Variants in DLC1 observed in about 807,000 individuals in gnomAD.
DLC1 encodes rho GTPase-activating protein 7.
A neutral mutation model predicts 140.3 loss-of-function variants in DLC1; 54 were observed. The observed-to-expected ratio is 0.38, with a 90% CI of 0.31 to 0.48. The LOEUF (loss-of-function observed/expected upper bound fraction) is 0.48. Among genes scored for constraint, DLC1 ranks in the 20% least tolerant of loss-of-function variants. The probability of loss-of-function intolerance (pLI) is 0.96; values close to 1 mark genes in which losing one functional copy is unlikely to be tolerated. For synonymous variants in DLC1, 986 were observed against 728.1 expected (o/e 1.35, Z -5.70); for missense variants, 2,536 against 1,907.0 (o/e 1.33, Z -6.14).
intron 5 of DLC1, among the ~76,000 whole-genome samples, chr8:13,148,134 T>G (rs1486363222): frequency 6.6e-6 from 1 of 152,100 alleles, no homozygotes; most frequent in Non-Finnish European, 1.5e-5. Flanking sequence ...TTTTTTTAAT[T>G]TTAGGTCTGG....
chr8:13,136,834 C>G (rs909855915), intron 5 of DLC1, among the ~76,000 whole-genome samples: 1 of 152,186 alleles, frequency 6.6e-6, no homozygotes, highest in Non-Finnish European at 1.5e-5. Context: ...CACACCTGGT[C>G]TATTTCATTC....
chr8:13,596,644 G>A (rs1452256584), intron 1 of DLC1, among the ~76,000 whole-genome samples: 9 of 151,966 alleles, frequency 5.9e-5, no homozygotes, highest in Admixed American at 5.3e-4. Context: ...TATGCTTATT[G>A]AGATAAATTT....
At chr8:13,301,163 T>A (rs1832175966) in intron 5 of DLC1, among the ~76,000 whole-genome samples, 1 of 151,754 alleles carries the variant, frequency 6.6e-6, no homozygotes, top group Non-Finnish European at 1.5e-5. Context: ...TCTCTGAAAC[T>A]AATATTTTTT....
intron 5 of DLC1, among the ~76,000 whole-genome samples, chr8:13,279,578 C>A (rs1831294405): frequency 6.6e-6 from 1 of 152,102 alleles, no homozygotes; most frequent in East Asian, 1.9e-4. Flanking sequence ...TAGGTTTTAC[C>A]ATAGGCCAAC....
intron 3 of DLC1, among the ~76,000 whole-genome samples, chr8:13,395,991 G>C (rs1316712230): frequency 6.6e-6 from 1 of 151,740 alleles, no homozygotes; most frequent in Non-Finnish European, 1.5e-5. Context: ...ATAAGTAGCA[G>C]GTAATTTATA....
At chr8:13,360,681 T>C (rs982381971) in intron 4 of DLC1, among the ~76,000 whole-genome samples, 4 of 152,128 alleles carry the variant, frequency 2.6e-5, no homozygotes, top group Non-Finnish European at 5.9e-5. Flanking sequence ...TTTTTTTTTC[T>C]TTTATAAATA....
At chr8:13,319,821 C>CTTTT (rs57585674) in intron 4 of DLC1, among the ~76,000 whole-genome samples, 97 of 88,984 alleles carry the variant, frequency 1.1e-3, no homozygotes, top group South Asian at 3.9e-3. Flanking sequence ...CTCTCTCTCT[C>CTTTT]TTTTTTTTTT....
intron 5 of DLC1, among the ~76,000 whole-genome samples, chr8:13,205,108 G>A (rs1191440197): frequency 6.6e-6 from 1 of 151,892 alleles, no homozygotes; most frequent in Admixed American, 6.6e-5. Flanking sequence ...AAAAAAAAAT[G>A]CCAAAAAACT....
intron 5 of DLC1, among the ~76,000 whole-genome samples, chr8:13,172,800 C>T (rs1023476431): frequency 6.6e-6 from 1 of 152,278 alleles, no homozygotes; most frequent in East Asian, 1.9e-4. Flanking sequence ...AAGTGGGAAT[C>T]AGCTCTCAAA....
chr8:13,137,603 G>GTTTT (rs36035085), intron 5 of DLC1, among the ~76,000 whole-genome samples: 1 of 134,374 alleles, frequency 7.4e-6, no homozygotes, highest in Non-Finnish European at 1.6e-5. Flanking sequence ...TTTTGGTTTT[G>GTTTT]TTTTTTTTTT....
chr8:13,441,952 C>T (rs1294102110), intron 2 of DLC1, among the ~76,000 whole-genome samples: 3 of 152,208 alleles, frequency 2.0e-5, no homozygotes, highest in African/African-American at 7.2e-5. Context: ...TGACTTCAAA[C>T]TATACTACAA....
intron 1 of DLC1, among the ~76,000 whole-genome samples, chr8:13,554,131 A>G (rs1320529169): frequency 6.6e-6 from 1 of 152,016 alleles, no homozygotes; most frequent in African/African-American, 2.4e-5. Flanking sequence ...CAATGGCACA[A>G]TCTCCACTCA....
Position 13,280,287 on chromosome 8 carries a change from C to CAA in DLC1, c.1348+24980_1348+24981dup, listed in dbSNP as rs55791933. On this transcript the variant is annotated intron_variant, in intron 5 of 17. Coordinates refer to ENST00000276297, the MANE Select transcript of DLC1 (RefSeq NM_182643.3). Reference sequence around the variant, plus strand: ...TGGGCAACGGAGAGAGACTCCATCTCAAAAAAAAAAAAAAAAAAAAAAAGA... The same window carrying CAA: ...TGGGCAACGGAGAGAGACTCCATCTCAAAAAAAAAAAAAAAAAAAAAAAAAGA... Among the ~76,000 whole-genome samples the CAA allele has an allele frequency of 3.9e-3, 251 of 65,054 alleles. 1 individual carries two copies. The highest frequency in any genetic ancestry group is 4.7e-3 in the Non-Finnish European group (169 of 36,326). The allele number at this position is 65,054 out of a possible 152,430, so 42.7% of individuals were successfully genotyped here.
chr8:13,411,315 G>A (rs1335756886), intron 2 of DLC1, among the ~76,000 whole-genome samples: 1 of 152,160 alleles, frequency 6.6e-6, no homozygotes, highest in South Asian at 2.1e-4. Flanking sequence ...AGTCTGACGA[G>A]CTATCTACTG....
chr8:13,087,503 T>C (rs941864077), intron 16 of DLC1, among the ~76,000 whole-genome samples: 1 of 152,226 alleles, frequency 6.6e-6, no homozygotes, highest in Admixed American at 6.5e-5. Context: ...TTCATTATAA[T>C]TGCCTGGTCT....
intron 1 of DLC1, among the ~76,000 whole-genome samples, chr8:13,532,186 C>T (rs1803121073): frequency 6.6e-6 from 1 of 152,146 alleles, no homozygotes; most frequent in Non-Finnish European, 1.5e-5. Context: ...AGGGGGATAG[C>T]TTGAGCCCAG....
At chr8:13,582,790 G>T (rs1485569237) in intron 1 of DLC1, among the ~76,000 whole-genome samples, 1 of 147,960 alleles carries the variant, frequency 6.8e-6, no homozygotes, top group African/African-American at 2.5e-5. Flanking sequence ...TAATACTTCA[G>T]TAATGCTAAT....
intron 2 of DLC1, among the ~76,000 whole-genome samples, chr8:13,456,454 T>C (rs1328813237): frequency 2.1e-5 from 2 of 94,012 alleles, no homozygotes; most frequent in African/African-American, 1.5e-4. Flanking sequence ...TCCTTTTTTA[T>C]TTTTTTTTTT....
intron 4 of DLC1, among the ~76,000 whole-genome samples, chr8:13,325,597 C>T (rs1029854743): frequency 6.6e-6 from 1 of 152,088 alleles, no homozygotes; most frequent in Non-Finnish European, 1.5e-5. Flanking sequence ...TGTCCAAGAA[C>T]AAGTCTCAGT....
Sources: gnomAD v4.1 joint callset for allele counts (sites outside exome capture counted in the v4.1 genomes callset) on GRCh38, gnomAD v4.1.1 for gene constraint, MANE v1.5 for transcripts, NCBI Gene and HGNC (gene_info 2026-07-23, HGNC 2026-07-21) for gene names.